ERBB4: variants seen among roughly 807,000 people sequenced by gnomAD.
ERBB4 encodes erb-b2 receptor tyrosine kinase 4.
Under a neutral mutation model 158.0 loss-of-function variants are expected in ERBB4, and 42 were observed. The ratio of observed to expected loss-of-function variants is 0.27; its 90% confidence interval spans 0.21 to 0.34. ERBB4 has a LOEUF of 0.34. Ranked by LOEUF, ERBB4 falls within the 10% of genes least tolerant of loss-of-function variation. The pLI is 1.00. For synonymous variants in ERBB4, 583 were observed against 558.7 expected, an observed-to-expected ratio of 1.04 and a Z score of -0.61; for missense variants, 1,333 against 1,624.1, an observed-to-expected ratio of 0.82 and a Z score of 3.08.
intron 2 of ERBB4, among the ~76,000 whole-genome samples, chr2:212,020,440 T>G (rs2076624086): frequency 6.6e-6 from 1 of 152,110 alleles, no homozygotes; most frequent in Non-Finnish European, 1.5e-5. Flanking sequence ...AATGAGAATA[T>G]ATCTCTGTTA....
At chr2:211,564,509 C>G (rs1276000421) in intron 19 of ERBB4, among the ~76,000 whole-genome samples, 2 of 152,158 alleles carry the variant, frequency 1.3e-5, no homozygotes, top group Non-Finnish European at 1.5e-5. Flanking sequence ...CATTCCATCT[C>G]CCAAATAGAG....
At chr2:211,690,263 T>C (rs2072752111) in intron 12 of ERBB4, among the ~76,000 whole-genome samples, 2 of 152,090 alleles carry the variant, frequency 1.3e-5, no homozygotes, top group South Asian at 4.1e-4. Context: ...TATTTTACCA[T>C]ATCACGTTAT....
At chr2:212,444,451 T>C (rs1485370654) in intron 1 of ERBB4, among the ~76,000 whole-genome samples, 2 of 152,148 alleles carry the variant, frequency 1.3e-5, no homozygotes, top group South Asian at 2.1e-4. Context: ...ATTAGAAAAT[T>C]GGTGACAAAG....
At chr2:211,820,528 T>G (rs1159129069) in intron 3 of ERBB4, among the ~76,000 whole-genome samples, 2 of 151,928 alleles carry the variant, frequency 1.3e-5, no homozygotes, top group African/African-American at 4.8e-5. Context: ...TTAATACCAA[T>G]TCTTTTCTAA....
At chr2:211,385,372 T>C (rs2062663865) in intron 27 of ERBB4, among the ~76,000 whole-genome samples, 1 of 152,164 alleles carries the variant, frequency 6.6e-6, no homozygotes, top group Non-Finnish European at 1.5e-5. Context: ...GTGTGCAGGA[T>C]ACAATTAGTG....
At chr2:211,542,800 C>CA (rs2066846426) in intron 20 of ERBB4, among the ~76,000 whole-genome samples, 1 of 151,790 alleles carries the variant, frequency 6.6e-6, no homozygotes. Flanking sequence ...ACAACTCTCC[C>CA]AGGAGTGATT....
At chr2:211,741,452 TACACACACACAC>T (rs5838279) in intron 5 of ERBB4, among the ~76,000 whole-genome samples, 15 of 143,298 alleles carry the variant, frequency 1.0e-4, no homozygotes, top group Non-Finnish European at 1.4e-4. Flanking sequence ...TATGTAGTTA[TACACACACACAC>T]ACACACACAC....
At chr2:212,098,985 A>G (rs967774742) in intron 2 of ERBB4, among the ~76,000 whole-genome samples, 1 of 151,950 alleles carries the variant, frequency 6.6e-6, no homozygotes. Flanking sequence ...TATGCATATT[A>G]AAAGGCTACT....
intron 3 of ERBB4, among the ~76,000 whole-genome samples, chr2:211,928,567 A>G (rs1248305261): frequency 2.6e-5 from 4 of 152,204 alleles, no homozygotes; most frequent in Non-Finnish European, 5.9e-5. Context: ...CCTGGGAGGA[A>G]GAAAGAGCAC....
chr2:211,687,493 A>AGGTTGTTT (rs1559419276), intron 12 of ERBB4, among the ~76,000 whole-genome samples: 1 of 151,268 alleles, frequency 6.6e-6, no homozygotes, highest in Non-Finnish European at 1.5e-5. Flanking sequence ...GCTTGACTGA[A>AGGTTGTTT]GTTTGTTTGT....
intron 2 of ERBB4, among the ~76,000 whole-genome samples, chr2:212,010,615 G>T (rs1291669029): frequency 2.0e-5 from 3 of 152,088 alleles, no homozygotes; most frequent in Non-Finnish European, 1.5e-5. Context: ...ACTGATAAGG[G>T]TCTATATTCA....
intron 3 of ERBB4, among the ~76,000 whole-genome samples, chr2:211,886,530 G>A (rs1019002877): frequency 6.6e-6 from 1 of 152,062 alleles, no homozygotes; most frequent in Non-Finnish European, 1.5e-5. Flanking sequence ...ATAAACATGT[G>A]CCCACTGACT....
intron 1 of ERBB4, chr2:212,426,444 T>C (rs562270524): frequency 7.3e-6 from 3 of 411,286 alleles, no homozygotes; most frequent in South Asian, 3.8e-5. Flanking sequence ...TAGTAATTTC[T>C]TGCAGCTGAA....
In ERBB4 at chr2:211,607,573, G is replaced by A. The variant is rs528431289; in HGVS notation, c.2301+11604C>T. Among the ~76,000 whole-genome samples, 28 of 152,230 alleles carry A rather than the reference G, an allele frequency of 1.8e-4. 1 individual carries two copies. The highest frequency in any genetic ancestry group is 3.4e-3 in the Middle Eastern group (1 of 294). ...CAACACCCTCACTGATTGCTTATTC[G>A]TCTGTGACGAACTGGTCTCATAATT... On this transcript the variant is annotated intron_variant, in intron 19 of 27. Transcript: ENST00000342788.
chr2:212,498,285 A>C (rs1425438900), intron 1 of ERBB4, among the ~76,000 whole-genome samples: 1 of 152,154 alleles, frequency 6.6e-6, no homozygotes, highest in African/African-American at 2.4e-5. Flanking sequence ...CAGCTTTACT[A>C]AACAAAGACG....
intron 1 of ERBB4, among the ~76,000 whole-genome samples, chr2:212,318,811 C>A (rs559497138): frequency 1.3e-5 from 2 of 151,648 alleles, no homozygotes; most frequent in South Asian, 4.2e-4. Flanking sequence ...TTGCCCGAAG[C>A]TGAAACTTCC....
Position 212,109,310 on chromosome 2 carries a change from A to G in ERBB4, c.234+15442T>C, listed in dbSNP as rs142020977. Among the ~76,000 whole-genome samples, 1,119 of 152,138 alleles carry G rather than the reference A, an allele frequency of 7.4e-3. 7 individuals are homozygous for G. The highest frequency in any genetic ancestry group is 0.014 in the Middle Eastern group (4 of 294). On this transcript the variant is annotated intron_variant, in intron 2 of 27. Coordinates refer to ENST00000342788, the MANE Select transcript of ERBB4 (RefSeq NM_005235.3). ...TAAGAATGCTCTGATTGTTAGCAAAACCTTTATTTTAAGCCAAAATCTGCC... is the reference window on the plus strand; with the variant it reads ...TAAGAATGCTCTGATTGTTAGCAAAGCCTTTATTTTAAGCCAAAATCTGCC...
intron 25 of ERBB4, among the ~76,000 whole-genome samples, chr2:211,396,314 C>G (rs2062915761): frequency 1.3e-5 from 2 of 151,798 alleles, no homozygotes; most frequent in African/African-American, 4.8e-5. Flanking sequence ...TGTGGGGCAG[C>G]TTTTGTTTTG....
intron 1 of ERBB4, among the ~76,000 whole-genome samples, chr2:212,535,409 C>G (rs187408438): frequency 6.6e-6 from 1 of 152,064 alleles, no homozygotes; most frequent in Admixed American, 6.5e-5. Context: ...GAAAAATAAC[C>G]CCATGATTTT....
Sources: gnomAD v4.1 joint callset for allele counts (sites outside exome capture counted in the v4.1 genomes callset) on GRCh38, gnomAD v4.1.1 for gene constraint, MANE v1.5 for transcripts, NCBI Gene and HGNC (gene_info 2026-07-23, HGNC 2026-07-21) for gene names.